The following TYW1 variants were observed in gnomAD, a reference collection of about 807,000 sequenced individuals.
TYW1 encodes the protein S-adenosyl-L-methionine-dependent tRNA 4-demethylwyosine synthase TYW1.
A neutral mutation model predicts 96.2 loss-of-function variants in TYW1; 46 were observed. The observed-to-expected ratio is 0.48, with a 90% CI of 0.38 to 0.61. The LOEUF is 0.61. Among genes scored for constraint, TYW1 ranks in the 20% least tolerant of loss-of-function variants. TYW1 has a pLI of 0.00. For synonymous variants in TYW1, 274 were observed against 323.0 expected (o/e 0.85, Z 1.63); for missense variants, 684 against 909.6 (o/e 0.75, Z 3.19).
chr7:67,008,318 G>A (rs1002161540), intron 3 of TYW1, among the ~76,000 whole-genome samples: 3 of 152,242 alleles, frequency 2.0e-5, no homozygotes, highest in Non-Finnish European at 2.9e-5. Flanking sequence ...ACATAGGCAC[G>A]ATTGATTAAA....
chr7:67,110,336 G>T (rs1412202358), intron 12 of TYW1, among the ~76,000 whole-genome samples: 1 of 152,118 alleles, frequency 6.6e-6, no homozygotes, highest in Non-Finnish European at 1.5e-5. Context: ...CTGTGCTTTT[G>T]GTTCTTACTG....
intron 13 of TYW1, among the ~76,000 whole-genome samples, chr7:67,174,017 T>C (rs1799590584): frequency 7.1e-6 from 1 of 141,500 alleles, no homozygotes; most frequent in African/African-American, 2.7e-5. Flanking sequence ...TGGCAAATGG[T>C]TTTCCTGGGA....
intron 13 of TYW1, among the ~76,000 whole-genome samples, chr7:67,170,274 C>G (rs989444483): frequency 6.6e-6 from 1 of 152,184 alleles, no homozygotes; most frequent in African/African-American, 2.4e-5. Flanking sequence ...CTGTCCAGTT[C>G]TGTTCCATTG....
rs188666588 is a variant in TYW1 at position 67,124,694 on chromosome 7, A to G, written c.1698+7076A>G. 2.2e-4 allele frequency among the ~76,000 whole-genome samples: 34 copies of G among 152,280 alleles called. No homozygotes were observed. In the East Asian group the frequency reaches 5.2e-3, roughly 23 times the overall value. ...TTTATGCCTTTGTGTCTGATTTCTC[A>G]ACATTATAATATTATAATAACATTC... On this transcript the variant is annotated intron_variant, in intron 13 of 15. Coordinates refer to ENST00000359626, the MANE Select transcript of TYW1 (RefSeq NM_018264.4).
intron 10 of TYW1, among the ~76,000 whole-genome samples, chr7:67,068,647 G>A (rs1451668513): frequency 6.6e-6 from 1 of 152,090 alleles, no homozygotes; most frequent in Non-Finnish European, 1.5e-5. Context: ...ATGACTCTGT[G>A]TTATGATGGT....
In TYW1 at chr7:67,166,136, A is replaced by G. The variant is rs1799314722; in HGVS notation, c.1699-16990A>G. ...GTTGTGTGCACCTGTAGTCCCAGCT[A>G]CTCAGGAGGCTGAGGTAGGATAATC... is the stretch of plus-strand genomic sequence containing the variant. On this transcript the variant is annotated intron_variant, in intron 13 of 15. Transcript: ENST00000359626. Among the ~76,000 whole-genome samples the G allele has an allele frequency of 2.0e-5, 3 of 151,010 alleles. No individual in the cohort carries two copies. In the South Asian group the frequency reaches 6.3e-4, roughly 32 times the overall value.
chr7:67,012,898 A>G (rs1317251038), intron 4 of TYW1, among the ~76,000 whole-genome samples: 1 of 151,746 alleles, frequency 6.6e-6, no homozygotes, highest in Non-Finnish European at 1.5e-5. Flanking sequence ...GATTTAAAAA[A>G]AAAAACCAAA....
chr7:67,149,265 C>T (rs558240769), intron 13 of TYW1, among the ~76,000 whole-genome samples: 2 of 152,286 alleles, frequency 1.3e-5, no homozygotes, highest in South Asian at 2.1e-4. Flanking sequence ...ATTTCTTTTG[C>T]TCATTCAAAC....
intron 3 of TYW1, among the ~76,000 whole-genome samples, chr7:66,999,914 A>T (rs10261638): frequency 6.6e-6 from 1 of 151,380 alleles, no homozygotes; most frequent in African/African-American, 2.4e-5. Context: ...TCTGGCATGT[A>T]CTTTGATTTC....
chr7:67,067,712 T>G (rs1795906810), intron 10 of TYW1, among the ~76,000 whole-genome samples: 1 of 152,228 alleles, frequency 6.6e-6, no homozygotes, highest in Non-Finnish European at 1.5e-5. Flanking sequence ...AAGTTTATTT[T>G]TATTCTATCC....
intron 12 of TYW1, among the ~76,000 whole-genome samples, chr7:67,111,102 T>C (rs867061983): frequency 6.6e-6 from 1 of 152,146 alleles, no homozygotes; most frequent in African/African-American, 2.4e-5. Context: ...GGAAACAGAA[T>C]AGAATCCATC....
chr7:67,183,975 A>G (rs998795482), intron 14 of TYW1, among the ~76,000 whole-genome samples: 1 of 151,990 alleles, frequency 6.6e-6, no homozygotes, highest in African/African-American at 2.4e-5. Context: ...CTAGAGGTGC[A>G]CGCCACTATG....
At chr7:67,102,687 C>T (rs1247436393) in intron 12 of TYW1, among the ~76,000 whole-genome samples, 16 of 151,960 alleles carry the variant, frequency 1.1e-4, no homozygotes, top group South Asian at 4.1e-4. Context: ...AGTCTCGCTC[C>T]GTCACCCAGG....
At chr7:67,111,904 C>G (rs1003669909) in intron 12 of TYW1, among the ~76,000 whole-genome samples, 10 of 151,988 alleles carry the variant, frequency 6.6e-5, no homozygotes, top group African/African-American at 2.4e-4. Context: ...CAAGAACAGC[C>G]TGGCCAACGT....
At chr7:67,086,368 G>C (rs1292112205) in intron 11 of TYW1, among the ~76,000 whole-genome samples, 2 of 152,122 alleles carry the variant, frequency 1.3e-5, no homozygotes, top group African/African-American at 4.8e-5. Flanking sequence ...TCAAGGCAAA[G>C]TCTTATTTTC....
At chr7:67,176,354 A>G (rs1395227175) in intron 13 of TYW1, among the ~76,000 whole-genome samples, 2 of 152,198 alleles carry the variant, frequency 1.3e-5, no homozygotes, top group African/African-American at 2.4e-5. Context: ...TATGGTAGCC[A>G]CTAGCTACAT....
chr7:67,184,647 A>AT (rs1554387587), intron 14 of TYW1, among the ~76,000 whole-genome samples: 229 of 26,210 alleles, frequency 8.7e-3, no homozygotes, highest in African/African-American at 0.024. Flanking sequence ...ATTTTATTTT[A>AT]TTTATGTTAT....
At chr7:67,123,720 C>T (rs1045836334) in intron 13 of TYW1, among the ~76,000 whole-genome samples, 4 of 152,056 alleles carry the variant, frequency 2.6e-5, no homozygotes, top group East Asian at 3.9e-4. Flanking sequence ...AAGCTTTCAA[C>T]GTGAAGCACA....
chr7:67,177,722 A>G (rs1409872847), intron 13 of TYW1, among the ~76,000 whole-genome samples: 1 of 152,208 alleles, frequency 6.6e-6, no homozygotes, highest in African/African-American at 2.4e-5. Flanking sequence ...CTCTGATACA[A>G]CGCGGGTGAA....
Sources: allele counts gnomAD v4.1 joint callset (sites outside exome capture counted in the v4.1 genomes callset), GRCh38; gene constraint gnomAD v4.1.1; transcripts MANE v1.5; gene names NCBI Gene and HGNC (gene_info 2026-07-23, HGNC 2026-07-21).